The following LRP1B variants were observed in gnomAD, a reference collection of about 807,000 sequenced individuals.
LRP1B encodes LDL receptor related protein 1B.
LRP1B carries 217 observed loss-of-function variants against 556.6 expected under a neutral mutation model. The ratio of observed to expected loss-of-function variants is 0.39; its 90% CI spans 0.35 to 0.44. The LOEUF is 0.44. Ranked by LOEUF, LRP1B falls within the 20% of genes least tolerant of loss-of-function variation. The probability of loss-of-function intolerance (pLI) is 1.00; values close to 1 mark genes in which losing one functional copy is unlikely to be tolerated. For missense variants in LRP1B, 5,053 were observed against 5,620.8 expected, an observed-to-expected ratio of 0.90 and a Z score of 3.23; for synonymous variants, 2,047 against 1,865.8, an observed-to-expected ratio of 1.10 and a Z score of -2.50.
intron 2 of LRP1B, among the ~76,000 whole-genome samples, chr2:141,673,159 GTAATTTAA>G (rs1193277150): frequency 2.6e-5 from 4 of 152,188 alleles, no homozygotes; most frequent in African/African-American, 4.8e-5. Context: ...AATCTTAGAA[GTAATTTAA>G]TCCATTCTTC....
chr2:141,111,525 AAGGG>A (rs1227246527), intron 7 of LRP1B, among the ~76,000 whole-genome samples: 3 of 152,130 alleles, frequency 2.0e-5, no homozygotes, highest in African/African-American at 4.8e-5. Flanking sequence ...TTGTGCACTT[AAGGG>A]ACCTTGTACT....
chr2:140,771,474 T>C (rs1233392702), intron 33 of LRP1B, among the ~76,000 whole-genome samples: 1 of 152,208 alleles, frequency 6.6e-6, no homozygotes, highest in Non-Finnish European at 1.5e-5. Flanking sequence ...TGTGTATATG[T>C]ATTCAATTAA....
intron 3 of LRP1B, among the ~76,000 whole-genome samples, chr2:141,360,911 G>A (rs58412749): frequency 0.06 from 9,157 of 152,212 alleles, 380 homozygotes; most frequent in African/African-American, 0.11. Context: ...GAAGTGATGT[G>A]AAAGTATTAA....
chr2:140,801,476 A>G (rs375561104), intron 32 of LRP1B, among the ~76,000 whole-genome samples: 1 of 152,164 alleles, frequency 6.6e-6, no homozygotes. Context: ...AAATGAGAGG[A>G]AGAGTTACGG....
intron 2 of LRP1B, among the ~76,000 whole-genome samples, chr2:141,602,534 T>A (rs944226416): frequency 1.3e-5 from 2 of 152,222 alleles, no homozygotes; most frequent in Admixed American, 6.5e-5. Flanking sequence ...CTATTCACTA[T>A]GTATTGCTAA....
At chr2:141,544,353 T>TTCTTTTCTTCTTCTTCTTCTTCTTCTTCC (rs1559131391) in intron 2 of LRP1B, among the ~76,000 whole-genome samples, 3 of 90,750 alleles carry the variant, frequency 3.3e-5, no homozygotes, top group Non-Finnish European at 7.0e-5. Flanking sequence ...CTTCTTCTTC[T>TTCTTTTCTTCTTCTTCTTCTTCTTCTTCC]TCTTCTTCTT....
At chr2:140,646,265 T>C (rs1684480702) in intron 41 of LRP1B, among the ~76,000 whole-genome samples, 1 of 152,230 alleles carries the variant, frequency 6.6e-6, no homozygotes, top group Admixed American at 6.5e-5. Context: ...AGGAAAGTGC[T>C]TGGGTCTGTG....
chr2:140,919,062 T>A (rs1245647667), intron 21 of LRP1B, among the ~76,000 whole-genome samples: 2 of 152,208 alleles, frequency 1.3e-5, no homozygotes, highest in East Asian at 3.9e-4. Flanking sequence ...TATTGTAAAC[T>A]TATTTTTCAG....
intron 1 of LRP1B, among the ~76,000 whole-genome samples, chr2:141,976,033 A>G (rs1388064008): frequency 2.0e-5 from 3 of 149,540 alleles, no homozygotes; most frequent in Admixed American, 2.0e-4. Context: ...TAAAAGTTAT[A>G]GCATATTTTA....
At chr2:141,824,787 T>G (rs1696868740) in intron 1 of LRP1B, among the ~76,000 whole-genome samples, 1 of 152,240 alleles carries the variant, frequency 6.6e-6, no homozygotes, top group Non-Finnish European at 1.5e-5. Context: ...AATCCATGTA[T>G]GTGAGTTTCA....
intron 1 of LRP1B, among the ~76,000 whole-genome samples, chr2:142,047,867 C>A (rs1489603528): frequency 1.3e-5 from 2 of 152,014 alleles, no homozygotes; most frequent in Non-Finnish European, 2.9e-5. Flanking sequence ...CTGAGACCTC[C>A]AGGACCAGCA....
chr2:140,599,818 C>T (rs1414243332), intron 42 of LRP1B, among the ~76,000 whole-genome samples: 1 of 151,856 alleles, frequency 6.6e-6, no homozygotes, highest in Non-Finnish European at 1.5e-5. Context: ...ACAGAACGGC[C>T]CAGAGAGCTT....
At chr2:141,356,056 T>C (rs184550324) in intron 3 of LRP1B, among the ~76,000 whole-genome samples, 30 of 152,272 alleles carry the variant, frequency 2.0e-4, no homozygotes, top group Admixed American at 1.7e-3. Flanking sequence ...CAGAAGCATA[T>C]AACCTGAGTA....
At chr2:141,611,063 C>G (rs1398016579) in intron 2 of LRP1B, among the ~76,000 whole-genome samples, 1 of 152,204 alleles carries the variant, frequency 6.6e-6, no homozygotes, top group Admixed American at 6.5e-5. Context: ...AAGGAAGGAT[C>G]TCTAGCTGCT....
intron 18 of LRP1B, among the ~76,000 whole-genome samples, chr2:140,974,365 G>T (rs1325714984): frequency 1.3e-5 from 2 of 152,166 alleles, no homozygotes; most frequent in Non-Finnish European, 2.9e-5. Flanking sequence ...AACTACAACA[G>T]TCTCTAATTC....
chr2:141,128,372 A>G (rs568536280), intron 7 of LRP1B, among the ~76,000 whole-genome samples: 120 of 152,268 alleles, frequency 7.9e-4, no homozygotes, highest in Non-Finnish European at 1.3e-3. Flanking sequence ...ATTTCAATTT[A>G]TGGTTAACAA....
At chr2:141,730,174 C>G (rs1693217158) in intron 2 of LRP1B, among the ~76,000 whole-genome samples, 1 of 152,100 alleles carries the variant, frequency 6.6e-6, no homozygotes, top group Non-Finnish European at 1.5e-5. Flanking sequence ...CTGAAGCCCA[C>G]AGAGTCCAGC....
At chr2:141,333,268 T>G (rs897088376) in intron 3 of LRP1B, among the ~76,000 whole-genome samples, 1 of 152,082 alleles carries the variant, frequency 6.6e-6, no homozygotes, top group African/African-American at 2.4e-5. Context: ...ATAGAAATAT[T>G]TTATCCTTCT....
intron 1 of LRP1B, among the ~76,000 whole-genome samples, chr2:141,958,992 C>A (rs1467672685): frequency 6.6e-6 from 1 of 151,870 alleles, no homozygotes; most frequent in Non-Finnish European, 1.5e-5. Context: ...CAATTTACAC[C>A]AACAATGGAT....
Sources: allele counts gnomAD v4.1 joint callset (sites outside exome capture counted in the v4.1 genomes callset), GRCh38; gene constraint gnomAD v4.1.1; transcripts MANE v1.5; gene names NCBI Gene and HGNC (gene_info 2026-07-23, HGNC 2026-07-21).